Variants in TBC1D14 observed in about 807,000 individuals in gnomAD.
TBC1D14 encodes TBC1 domain family member 14, also known as TBC1 domain family, member 14.
Under a neutral mutation model 79.0 loss-of-function variants are expected in TBC1D14, and 26 were observed. The ratio of observed to expected loss-of-function variants is 0.33; its 90% CI spans 0.24 to 0.46. The LOEUF (loss-of-function observed/expected upper bound fraction) is 0.46. TBC1D14 is among the 20% of genes least tolerant of loss of function. TBC1D14 has a pLI of 1.00. For synonymous variants in TBC1D14, 394 were observed against 349.9 expected, an observed-to-expected ratio of 1.13 and a Z score of -1.40; for missense variants, 769 against 887.6, an observed-to-expected ratio of 0.87 and a Z score of 1.70.
At chr4:7,019,721 T>TG (rs1422466946) in intron 12 of TBC1D14, among the ~76,000 whole-genome samples, 4 of 151,604 alleles carry the variant, frequency 2.6e-5, no homozygotes, top group Non-Finnish European at 4.4e-5. Context: ...GGGAGGACTC[T>TG]GGGGCACAGA....
At chr4:7,023,439 T>C (rs1354263334) in intron 12 of TBC1D14, among the ~76,000 whole-genome samples, 5 of 152,204 alleles carry the variant, frequency 3.3e-5, no homozygotes, top group African/African-American at 1.2e-4. Flanking sequence ...AAGCATGCTC[T>C]CCAGGTACAA....
At chr4:6,969,647 C>T (rs1716047339) in intron 3 of TBC1D14, among the ~76,000 whole-genome samples, 1 of 152,048 alleles carries the variant, frequency 6.6e-6, no homozygotes, top group Non-Finnish European at 1.5e-5. Context: ...CCTTGTGATC[C>T]ACCTGCCTCG....
intron 13 of TBC1D14, among the ~76,000 whole-genome samples, chr4:7,026,271 G>A (rs1722363059): frequency 6.6e-6 from 1 of 152,096 alleles, no homozygotes; most frequent in Non-Finnish European, 1.5e-5. Flanking sequence ...AGCGGCTGTT[G>A]GAGCTGCCTC....
Position 7,025,003 on chromosome 4 carries a change from G to A in TBC1D14, c.1758-1G>A. The A allele has an allele frequency of 6.2e-7, 1 of 1,613,566 alleles. No individual in the cohort carries two copies. Among genetic ancestry groups the A allele is most frequent in the Non-Finnish European group, 8.5e-7 (1 of 1,179,688 alleles). ...GAAAAATTCCAACTTTTACCCCCTA[G>A]GATCTTTACCTTATATAGTAAATCT... On this transcript the variant is annotated splice_acceptor_variant, in intron 12 of 13. Transcript: ENST00000409757. LOFTEE classifies it high-confidence loss of function.
At chr4:7,010,327 A>G (rs1461897329) in intron 10 of TBC1D14, among the ~76,000 whole-genome samples, 1 of 152,216 alleles carries the variant, frequency 6.6e-6, no homozygotes, top group Non-Finnish European at 1.5e-5. Context: ...TTATTGAGAT[A>G]GATAACACAA....
rs117340657 is a variant in TBC1D14 at position 7,001,489 on chromosome 4, G to A, written c.1270+238G>A. The A allele has an allele frequency of 8.2e-4, 392 of 478,884 alleles. 1 individual carries two copies. The East Asian group carries it at 0.012, about 14-fold the overall frequency. The allele number at this position is 478,884 out of a possible 1,614,324, so 29.7% of individuals were successfully genotyped here. A position where few individuals can be genotyped will look rare whatever the true frequency, so the allele number is the denominator to read the frequency against. On this transcript the variant is annotated intron_variant, in intron 7 of 13. Transcript: ENST00000409757. ...TTGAATAGAGGGGGCTTGGAAGACA[G>A]GGCTTAGAGCATCGGGGAGGTGCCT...
intron 6 of TBC1D14, among the ~76,000 whole-genome samples, chr4:7,000,742 T>A (rs1719585512): frequency 6.6e-6 from 1 of 152,202 alleles, no homozygotes; most frequent in African/African-American, 2.4e-5. Context: ...CTGTCTCCAG[T>A]GCTGCTGCAG....
At position 6,994,227 on chromosome 4, in the gene TBC1D14, C is replaced by G. The variant is rs997523629; in HGVS notation, c.887C>G (p.Pro296Arg). The G allele has an allele frequency of 1.6e-5, 26 of 1,614,216 alleles. No homozygotes were observed. The East Asian group carries it at 5.8e-4, about 36-fold the overall frequency. Residue 296 changes from proline (P) to arginine (R), a missense_variant, in exon 4 of 14, where the codon CCA becomes CGA. Pro to Arg is a moderately radical substitution (Grantham distance 103). Transcript: ENST00000409757. ...KAGRPSKPPS[P>R]KQNVRKNLDF... ...GGAAGACCTAGCAAGCCACCCTCTC[C>G]AAAGCAGAATGTGAGGAAGAATCTT...
intron 1 of TBC1D14, among the ~76,000 whole-genome samples, chr4:6,916,129 GAAA>G (rs5855936): frequency 1.4e-5 from 2 of 139,580 alleles, no homozygotes; most frequent in Non-Finnish European, 3.1e-5. Context: ...TCCATCTCAG[GAAA>G]AAAAAAAAAA....
chr4:7,003,404 T>C (rs1215116991), intron 7 of TBC1D14, among the ~76,000 whole-genome samples: 1 of 152,148 alleles, frequency 6.6e-6, no homozygotes, highest in African/African-American at 2.4e-5. Flanking sequence ...CGAAAGCAGG[T>C]GGAAGTGCCA....
At chr4:6,987,206 GCCGCC>G in intron 3 of TBC1D14, 4 of 1,233,544 alleles carry the variant, frequency 3.2e-6, no homozygotes, top group Non-Finnish European at 3.0e-6. Flanking sequence ...TGAGCGGCCT[GCCGCC>G]CCGCCCCGCC....
At chr4:7,022,677 T>G (rs1207337412) in intron 12 of TBC1D14, among the ~76,000 whole-genome samples, 3 of 152,086 alleles carry the variant, frequency 2.0e-5, no homozygotes, top group African/African-American at 7.2e-5. Context: ...GGAAATGGAT[T>G]TGTCTCATGG....
chr4:6,958,889 AT>A (rs11392314), intron 2 of TBC1D14, among the ~76,000 whole-genome samples: 25 of 147,960 alleles, frequency 1.7e-4, no homozygotes, highest in African/African-American at 4.2e-4. Context: ...GGATGGTAGC[AT>A]TTTTTTTTTT....
chr4:6,953,319 A>AGCCATAAGAATAGATCAGTTG (rs1714252651), intron 2 of TBC1D14, among the ~76,000 whole-genome samples: 1 of 132,060 alleles, frequency 7.6e-6, no homozygotes, highest in African/African-American at 2.7e-5. Flanking sequence ...CACCACGCCC[A>AGCCATAAGAATAGATCAGTTG]GCCATAAGAA....
intron 2 of TBC1D14, among the ~76,000 whole-genome samples, chr4:6,933,593 C>G (rs1039092581): frequency 1.3e-5 from 2 of 152,078 alleles, no homozygotes; most frequent in Non-Finnish European, 2.9e-5. Flanking sequence ...CCACCATGAC[C>G]CACTGTGCCT....
Position 7,032,676 on chromosome 4 carries a change from A to C in TBC1D14, c.*2284A>C, listed in dbSNP as rs1723168938. 6.6e-6 allele frequency: 1 copy of C among 152,122 alleles called. No individual in the cohort carries two copies. The highest frequency in any genetic ancestry group is 2.1e-4 in the South Asian group (1 of 4,830). 9.4% of individuals were successfully genotyped at this position (152,122 alleles called of 1,614,324 possible). On this transcript the variant is annotated 3_prime_UTR_variant, in exon 14 of 14. Transcript: ENST00000409757. ...TCTGAGTCCCCGGCCAGGGTCCCTT[A>C]ACACCTCGGCACAGAGGCTGTTGGC...
chr4:6,916,693 T>C (rs1413950467), intron 1 of TBC1D14, among the ~76,000 whole-genome samples: 2 of 152,224 alleles, frequency 1.3e-5, no homozygotes, highest in Admixed American at 1.3e-4. Context: ...AACTGAGTCT[T>C]GTGACAGGTA....
chr4:6,944,844 C>T (rs941797608), intron 2 of TBC1D14, among the ~76,000 whole-genome samples: 5 of 152,196 alleles, frequency 3.3e-5, no homozygotes, highest in African/African-American at 7.2e-5. Flanking sequence ...TCACTATCCC[C>T]GGGGCAGAGG....
At chr4:6,999,445 A>C (rs975321790) in intron 6 of TBC1D14, among the ~76,000 whole-genome samples, 6 of 152,050 alleles carry the variant, frequency 3.9e-5, no homozygotes, top group Admixed American at 3.3e-4. Context: ...CTAAAGCATG[A>C]GTCAGTGTCC....
Sources: gnomAD v4.1 joint callset for allele counts (sites outside exome capture counted in the v4.1 genomes callset) on GRCh38, gnomAD v4.1.1 for gene constraint, MANE v1.5 for transcripts, NCBI Gene and HGNC (gene_info 2026-07-23, HGNC 2026-07-21) for gene names.